CELF1: variants seen among roughly 807,000 people sequenced by gnomAD.
CELF1 encodes the protein CUGBP Elav-like family member 1, also known as 50 kDa nuclear polyadenylated RNA-binding protein.
CELF1 carries 10 observed loss-of-function variants against 61.8 expected under a neutral mutation model. That is an observed-to-expected ratio of 0.16 (90% confidence interval 0.10 to 0.27). The LOEUF is 0.27. Ranked by LOEUF, CELF1 falls within the 10% of genes least tolerant of loss-of-function variation. CELF1 has a pLI of 1.00. For missense variants in CELF1, 380 were observed against 639.1 expected (o/e 0.59, Z 4.37); for synonymous variants, 236 against 225.1 (o/e 1.05, Z -0.43).
At chr11:47,523,728 A>G (rs576498621) in intron 1 of CELF1, 1 of 152,294 alleles carries the variant, frequency 6.6e-6, no homozygotes, top group South Asian at 2.1e-4. Context: ...CACTCAGCTG[A>G]CAAGTTCTAT....
chr11:47,536,367 T>A (rs530758106), intron 1 of CELF1, among the ~76,000 whole-genome samples: 19 of 152,222 alleles, frequency 1.2e-4, no homozygotes, highest in Non-Finnish European at 2.4e-4. Flanking sequence ...TTGTCATAAA[T>A]AAATAGATAG....
At chr11:47,564,628 A>G (rs911802256) in intron 1 of CELF1, among the ~76,000 whole-genome samples, 4 of 151,090 alleles carry the variant, frequency 2.6e-5, no homozygotes, top group African/African-American at 4.9e-5. Flanking sequence ...CCTCGTCTCT[A>G]CTAAAAACAA....
At chr11:47,511,299 A>T (rs940716751) in intron 1 of CELF1, among the ~76,000 whole-genome samples, 1 of 151,860 alleles carries the variant, frequency 6.6e-6, no homozygotes, top group Admixed American at 6.6e-5. Flanking sequence ...CAGGTCAAAG[A>T]TAGAGGAGGG....
rs758101991 is a variant in CELF1, at chr11:47,477,368, G to A, written c.902C>T (p.Ala301Val). The A allele has an allele frequency of 6.2e-7, 1 of 1,613,326 alleles. No homozygotes were observed. The highest frequency in any genetic ancestry group is 8.5e-7 in the Non-Finnish European group (1 of 1,179,434). ...ATTGGTACCACTTGGTGTGTTCTGA[G>A]CTGCACTAGCTGCAGCAGCTAGTGC... ...LAALAAAASAAQNTPSGTNAL... is the reference protein window; with the variant it reads ...LAALAAAASAVQNTPSGTNAL... Residue 301 changes from alanine (A) to valine (V), a missense_variant, in exon 11 of 15, where the codon GCT becomes GTT. By Grantham distance (64) the Ala-to-Val change is moderately conservative. Coordinates refer to ENST00000687097, the MANE Select transcript of CELF1 (RefSeq NM_001376376.1).
At chr11:47,545,595 G>A (rs932270382) in intron 1 of CELF1, among the ~76,000 whole-genome samples, 3 of 152,164 alleles carry the variant, frequency 2.0e-5, no homozygotes, top group African/African-American at 4.8e-5. Context: ...GAGTGAATCT[G>A]AAGTCTTACA....
intron 1 of CELF1, among the ~76,000 whole-genome samples, chr11:47,510,846 C>T (rs2095081729): frequency 1.3e-5 from 2 of 151,988 alleles, no homozygotes; most frequent in Non-Finnish European, 1.5e-5. Context: ...GAAAAACTTC[C>T]TTGATATAAG....
intron 1 of CELF1, among the ~76,000 whole-genome samples, chr11:47,528,233 TCTC>T (rs2096326845): frequency 6.6e-6 from 1 of 152,048 alleles, no homozygotes; most frequent in South Asian, 2.1e-4. Flanking sequence ...ATATGTCAGT[TCTC>T]CTCCCTTATT....
chr11:47,521,913 AT>A (rs35862688), intron 1 of CELF1, among the ~76,000 whole-genome samples: 2,394 of 146,182 alleles, frequency 0.016, 45 homozygotes, highest in African/African-American at 0.05. Flanking sequence ...AGCTATGCTG[AT>A]TTTTTTTTTT....
chr11:47,470,030 C>T lies in CELF1; in HGVS notation c.*2200G>A, dbSNP rs1444481425. On this transcript the variant is annotated 3_prime_UTR_variant, in exon 15 of 15. Transcript: ENST00000687097. ...CCTCTGCCAATTCACAGCATTAACA[C>T]CTTCCCCTTGGGCAGGTTAGCTGGG... is the stretch of plus-strand genomic sequence containing the variant. 2 of 152,284 alleles carry T rather than the reference C, an allele frequency of 1.3e-5. No homozygotes were observed. The highest frequency in any genetic ancestry group is 3.9e-4 in the East Asian group (2 of 5,194). 9.4% of individuals were successfully genotyped at this position (152,284 alleles called of 1,614,324 possible). A position where few individuals can be genotyped will look rare whatever the true frequency, so the allele number is the denominator to read the frequency against.
chr11:47,521,764 A>G (rs928172727), intron 1 of CELF1, among the ~76,000 whole-genome samples: 1 of 152,228 alleles, frequency 6.6e-6, no homozygotes, highest in African/African-American at 2.4e-5. Context: ...TTACATGATG[A>G]TTCTATCTCT....
chr11:47,516,672 C>T (rs987629410), intron 1 of CELF1, among the ~76,000 whole-genome samples: 1 of 151,720 alleles, frequency 6.6e-6, no homozygotes, highest in African/African-American at 2.4e-5. Context: ...ATGATCTTGG[C>T]TCACTGCAAT....
intron 9 of CELF1, among the ~76,000 whole-genome samples, chr11:47,479,396 T>G (rs1220659860): frequency 6.6e-6 from 1 of 152,262 alleles, no homozygotes; most frequent in Non-Finnish European, 1.5e-5. Flanking sequence ...ACTCAATTTC[T>G]ACTTCACACA....
chr11:47,530,860 C>A (rs532002871), intron 1 of CELF1, among the ~76,000 whole-genome samples: 1 of 151,864 alleles, frequency 6.6e-6, no homozygotes, highest in Non-Finnish European at 1.5e-5. Context: ...GAGGTTGAGG[C>A]GGGAGGATTG....
chr11:47,487,364 G>A (rs2088065562), intron 4 of CELF1, 123 bp from the exon 5 acceptor site: 2 of 656,600 alleles, frequency 3.0e-6, no homozygotes, highest in Non-Finnish European at 5.2e-6. Context: ...TAGTGAGAGG[G>A]GGAGGGTAGT....
Position 47,472,099 on chromosome 11 carries a change from G to T in CELF1, c.*131C>A. ...AGTAGCCGAGTCTTCAGGGCAAGCTGTGCCTGCGAGAGTGGCAGGGATCAG... is the reference window on the plus strand; with the variant it reads ...AGTAGCCGAGTCTTCAGGGCAAGCTTTGCCTGCGAGAGTGGCAGGGATCAG... On this transcript the variant is annotated 3_prime_UTR_variant, in exon 15 of 15. Transcript: ENST00000687097. The T allele has an allele frequency of 1.9e-6, 2 of 1,048,640 alleles. No individual in the cohort carries two copies. The highest frequency in any genetic ancestry group is 2.8e-6 in the Non-Finnish European group (2 of 714,084). 65.0% of individuals were successfully genotyped at this position (1,048,640 alleles called of 1,614,324 possible).
rs145474169 is a variant in CELF1 at position 47,472,344 on chromosome 11, G to A, written c.1431C>T (p.Tyr477=). 52 of 1,613,862 alleles carry A rather than the reference G, an allele frequency of 3.2e-5. 1 individual carries two copies. The African/African-American group carries it at 6.0e-4, about 19-fold the overall frequency. Residue 477 remains tyrosine (Y), a synonymous_variant, in exon 15 of 15, where the codon TAC becomes TAT. Transcript: ENST00000687097. ...CAGCTTGGGCCGAAACAGGATTGTC[G>A]TAACTTACAAAACCTGTGTGTCCAA... ...NLSKCFGFVS[Y]DNPVSAQAAI... is the part of the protein sequence containing the mutation.
chr11:47,529,457 C>T (rs560994473), intron 1 of CELF1, among the ~76,000 whole-genome samples: 15 of 152,148 alleles, frequency 9.9e-5, no homozygotes, highest in African/African-American at 3.4e-4. Context: ...GAGGCCGAGG[C>T]GAGAAGATCA....
At chr11:47,554,101 C>T (rs1386974252), upstream of CELF1, among the ~76,000 whole-genome samples, 1 of 152,066 alleles carries the variant, frequency 6.6e-6, no homozygotes, top group African/African-American at 2.4e-5. Flanking sequence ...TTTTTATACC[C>T]ACAAATACTG....
chr11:47,493,513 GA>G (rs35976407), intron 3 of CELF1, among the ~76,000 whole-genome samples: 26,351 of 85,220 alleles, frequency 0.31, 2,393 homozygotes, highest in Middle Eastern at 0.42. Context: ...ATCTCAAAAA[GA>G]AAAAAAAAAA....
Sources: allele counts gnomAD v4.1 joint callset (sites outside exome capture counted in the v4.1 genomes callset), GRCh38; gene constraint gnomAD v4.1.1; transcripts MANE v1.5; gene names NCBI Gene and HGNC (gene_info 2026-07-23, HGNC 2026-07-21).